LRP1B: variants seen among roughly 807,000 people sequenced by gnomAD.
LRP1B encodes the protein LDL receptor related protein 1B.
LRP1B carries 217 observed loss-of-function variants against 556.6 expected under a neutral mutation model. The observed-to-expected ratio is 0.39, with a 90% confidence interval of 0.35 to 0.44. The LOEUF (loss-of-function observed/expected upper bound fraction) is 0.44. Among genes scored for constraint, LRP1B ranks in the 20% least tolerant of loss-of-function variants. The pLI, the probability that LRP1B is intolerant of heterozygous loss-of-function variation, is 1.00. For missense variants in LRP1B, 5,053 were observed against 5,620.8 expected (o/e 0.90, Z 3.23); for synonymous variants, 2,047 against 1,865.8 (o/e 1.10, Z -2.50).
chr2:140,556,732 A>C (rs553903661), intron 43 of LRP1B, among the ~76,000 whole-genome samples: 1 of 113,398 alleles, frequency 8.8e-6, no homozygotes, highest in African/African-American at 3.0e-5. Context: ...AAACAAACAA[A>C]TTTAAAAAAA....
At chr2:140,588,695 T>G (rs1002427285) in intron 43 of LRP1B, among the ~76,000 whole-genome samples, 1 of 151,852 alleles carries the variant, frequency 6.6e-6, no homozygotes, top group Non-Finnish European at 1.5e-5. Flanking sequence ...GCTGGGTGCA[T>G]TGGCTCGTGC....
chr2:140,634,495 G>A (rs1395009424), intron 41 of LRP1B, among the ~76,000 whole-genome samples: 1 of 152,106 alleles, frequency 6.6e-6, no homozygotes, highest in Non-Finnish European at 1.5e-5. Context: ...CTCCTTAGAT[G>A]TGGACTGTGA....
intron 27 of LRP1B, among the ~76,000 whole-genome samples, chr2:140,857,514 G>T (rs948370738): frequency 6.6e-6 from 1 of 152,002 alleles, no homozygotes; most frequent in Non-Finnish European, 1.5e-5. Context: ...ATTTCACATT[G>T]AAGAACTTGA....
At chr2:140,739,593 A>G (rs1688069345) in intron 35 of LRP1B, among the ~76,000 whole-genome samples, 2 of 152,318 alleles carry the variant, frequency 1.3e-5, no homozygotes, top group Admixed American at 6.5e-5. Context: ...GTTTCTTATC[A>G]TGTTCATCAA....
chr2:140,456,569 A>T lies in LRP1B; in HGVS notation c.9849T>A (p.Gly3283=), dbSNP rs1573959893. The stretch of plus-strand genomic sequence containing the variant: ...GGGCTAAAAGGCACAAATGACTGCA[A>T]CCACCATTATTTATCATGCAGAGAT... ...SKHLCMINNG[G]CSHLCLLAPG... The change falls in exon 62 of 91, where the codon GGT becomes GGA. Residue 3283 remains glycine (G), a synonymous_variant. Transcript: ENST00000389484. The T allele has an allele frequency of 3.1e-6, 5 of 1,612,558 alleles. No homozygotes were observed. The highest frequency in any genetic ancestry group is 4.2e-6 in the Non-Finnish European group (5 of 1,179,068).
At chr2:140,261,701 G>C (rs1013817875) in intron 86 of LRP1B, among the ~76,000 whole-genome samples, 6 of 151,128 alleles carry the variant, frequency 4.0e-5, no homozygotes, top group Admixed American at 6.6e-5. Flanking sequence ...ATGCAATGCT[G>C]TTTGTAATAT....
chr2:140,500,639 C>T (rs1689144364), intron 55 of LRP1B, among the ~76,000 whole-genome samples: 1 of 151,898 alleles, frequency 6.6e-6, no homozygotes, highest in Non-Finnish European at 1.5e-5. Flanking sequence ...TAAGTATGTT[C>T]CCTATTAGAA....
intron 43 of LRP1B, among the ~76,000 whole-genome samples, chr2:140,548,707 G>A (rs1007312200): frequency 2.6e-5 from 4 of 152,050 alleles, no homozygotes; most frequent in Non-Finnish European, 5.9e-5. Flanking sequence ...CAGATCACCT[G>A]AGGTCAAGAG....
At chr2:142,099,522 T>C (rs1574683515) in intron 1 of LRP1B, among the ~76,000 whole-genome samples, 1 of 152,072 alleles carries the variant, frequency 6.6e-6, no homozygotes, top group East Asian at 1.9e-4. Flanking sequence ...GCACCTTCTC[T>C]ATATTTCCTT....
At chr2:141,944,505 G>A (rs911680602) in intron 1 of LRP1B, among the ~76,000 whole-genome samples, 2 of 152,086 alleles carry the variant, frequency 1.3e-5, no homozygotes, top group Admixed American at 6.6e-5. Flanking sequence ...AAATGGCCAA[G>A]GAATGCTTTG....
intron 35 of LRP1B, among the ~76,000 whole-genome samples, chr2:140,753,974 C>T (rs555739702): frequency 6.6e-6 from 1 of 152,222 alleles, no homozygotes; most frequent in African/African-American, 2.4e-5. Context: ...CTGCCCTTGC[C>T]CCACCTTGCT....
chr2:141,416,446 A>ACTT (rs1491278281), intron 3 of LRP1B, among the ~76,000 whole-genome samples: 2 of 103,430 alleles, frequency 1.9e-5, no homozygotes, highest in Admixed American at 1.1e-4. Context: ...TTTGACAGCC[A>ACTT]TTTTTTTTTT....
intron 1 of LRP1B, among the ~76,000 whole-genome samples, chr2:142,115,097 T>C (rs1459811989): frequency 6.6e-6 from 1 of 151,956 alleles, no homozygotes; most frequent in Non-Finnish European, 1.5e-5. Context: ...CAGTAAAACA[T>C]ATTAACGGAG....
chr2:141,741,060 A>G (rs574863209), intron 2 of LRP1B, among the ~76,000 whole-genome samples: 1 of 152,082 alleles, frequency 6.6e-6, no homozygotes, highest in Non-Finnish European at 1.5e-5. Flanking sequence ...TTAACCTAAT[A>G]ATTGCCAGTT....
intron 1 of LRP1B, among the ~76,000 whole-genome samples, chr2:141,818,440 C>A (rs1017950285): frequency 6.6e-6 from 1 of 150,674 alleles, no homozygotes; most frequent in African/African-American, 2.4e-5. Flanking sequence ...TTTCTAAATA[C>A]TTTCTTCTAC....
At chr2:141,981,683 T>C (rs1702046205) in intron 1 of LRP1B, among the ~76,000 whole-genome samples, 1 of 152,118 alleles carries the variant, frequency 6.6e-6, no homozygotes, top group Admixed American at 6.6e-5. Context: ...TGTTTACTCT[T>C]TTTTCTTGAT....
chr2:142,115,954 T>C (rs1443452211), intron 1 of LRP1B, among the ~76,000 whole-genome samples: 5 of 140,554 alleles, frequency 3.6e-5, no homozygotes, highest in Non-Finnish European at 7.6e-5. Flanking sequence ...CAGTAGCTTA[T>C]ACCTGTAATC....
chr2:140,598,484 G>A (rs1401492274), intron 43 of LRP1B, 147 bp downstream of exon 43: 13 of 638,226 alleles, frequency 2.0e-5, no homozygotes, highest in Middle Eastern at 4.3e-4. Flanking sequence ...TCTTATGTGT[G>A]TGATAGATTA....
chr2:140,256,294 A>G (rs895799152), intron 86 of LRP1B, among the ~76,000 whole-genome samples: 4 of 151,912 alleles, frequency 2.6e-5, no homozygotes, highest in African/African-American at 9.7e-5. Flanking sequence ...TCTCATAACA[A>G]GGGAGAGTAA....
Sources: allele counts gnomAD v4.1 joint callset (sites outside exome capture counted in the v4.1 genomes callset), GRCh38; gene constraint gnomAD v4.1.1; transcripts MANE v1.5; gene names NCBI Gene and HGNC (gene_info 2026-07-23, HGNC 2026-07-21).